The following HLCS variants were observed in gnomAD, a reference collection of about 807,000 sequenced individuals.
The protein encoded by HLCS is holocarboxylase synthetase, also known as biotin--protein ligase.
In HLCS, 53 loss-of-function variants were observed where a neutral mutation model predicts 75.0. The ratio of observed to expected loss-of-function variants is 0.71; its 90% confidence interval spans 0.57 to 0.89. The LOEUF is 0.89. HLCS is among the 40% of genes least tolerant of loss of function. The pLI is 0.00. For missense variants in HLCS, 966 were observed against 1,074.0 expected, an observed-to-expected ratio of 0.90 and a Z score of 1.41; for synonymous variants, 431 against 428.6, an observed-to-expected ratio of 1.01 and a Z score of -0.07.
At position 36,936,772 on chromosome 21, in the gene HLCS, T is replaced by C. The variant is rs147107058; in HGVS notation, c.1114A>G (p.Ile372Val). 7 of 1,614,120 alleles carry C rather than the reference T, an allele frequency of 4.3e-6. No homozygotes were observed. Among genetic ancestry groups the C allele is most frequent in the East Asian group, 2.2e-5 (1 of 44,888 alleles). The change falls in exon 4 of 11, where the codon ATT becomes GTT. Residue 372 changes from isoleucine to valine, a missense_variant. Physicochemically the swap from Ile to Val is conservative, Grantham distance 29 (BLOSUM62 3). Transcript: ENST00000674895. The part of the protein sequence containing the change: ...LLLVIATRES[I>V]PEDLYQKFMA... The stretch of plus-strand genomic sequence containing the variant: ...AACTTCTGGTACAGGTCTTCGGGAA[T>C]GGACTCCCTGGTAGCAATGACCAAC...
At chr21:36,959,729 C>T (rs1002445353) in intron 2 of HLCS, among the ~76,000 whole-genome samples, 5 of 152,214 alleles carry the variant, frequency 3.3e-5, no homozygotes, top group Admixed American at 2.6e-4. Context: ...AAAGGAGCTA[C>T]CCACTTCAGG....
chr21:36,906,041 C>A (rs572937499), intron 5 of HLCS, among the ~76,000 whole-genome samples: 2 of 134,402 alleles, frequency 1.5e-5, no homozygotes, highest in Non-Finnish European at 3.1e-5. Context: ...CAGAGTGAGA[C>A]TCCATCTCAA....
chr21:36,916,129 A>G (rs2146423658), intron 5 of HLCS, among the ~76,000 whole-genome samples: 1 of 152,236 alleles, frequency 6.6e-6, no homozygotes, highest in Non-Finnish European at 1.5e-5. Context: ...AATAGCACTT[A>G]TACAAACCAC....
chr21:36,854,069 CT>C (rs901664900), intron 6 of HLCS, among the ~76,000 whole-genome samples: 1 of 152,022 alleles, frequency 6.6e-6, no homozygotes, highest in Non-Finnish European at 1.5e-5. Context: ...TCTCATATAA[CT>C]TTTAATGGAT....
chr21:36,897,187 G>C, intron 5 of HLCS, 56 bp from the exon 6 acceptor site: 1 of 1,590,116 alleles, frequency 6.3e-7, no homozygotes, highest in Non-Finnish European at 8.6e-7. Context: ...ATTAGATCAT[G>C]GTAGCTTTTC....
intron 5 of HLCS, among the ~76,000 whole-genome samples, chr21:36,900,458 A>T (rs188570732): frequency 6.6e-6 from 1 of 152,296 alleles, no homozygotes; most frequent in East Asian, 1.9e-4. Flanking sequence ...CCGGGGCCAG[A>T]AAGGCAGAGG....
At chr21:36,813,331 C>T (rs1296663478) in intron 6 of HLCS, among the ~76,000 whole-genome samples, 1 of 152,156 alleles carries the variant, frequency 6.6e-6, no homozygotes, top group Non-Finnish European at 1.5e-5. Context: ...CTCACTCATG[C>T]CTGAACTCCA....
chr21:36,841,316 T>G (rs1033089560), intron 6 of HLCS, among the ~76,000 whole-genome samples: 1 of 152,230 alleles, frequency 6.6e-6, no homozygotes, highest in African/African-American at 2.4e-5. Context: ...ACTGTCCGAA[T>G]AGTAGAGACA....
At chr21:36,977,711 C>A (rs1433927183) in intron 1 of HLCS, among the ~76,000 whole-genome samples, 1 of 152,206 alleles carries the variant, frequency 6.6e-6, no homozygotes, top group African/African-American at 2.4e-5. Flanking sequence ...CTCTGACCCC[C>A]CAACTCCCCA....
chr21:36,775,218 C>T (rs1315571131), intron 6 of HLCS, among the ~76,000 whole-genome samples: 1 of 152,226 alleles, frequency 6.6e-6, no homozygotes, highest in African/African-American at 2.4e-5. Flanking sequence ...TCCCCACGTC[C>T]AGCATAAGAG....
intron 6 of HLCS, among the ~76,000 whole-genome samples, chr21:36,876,167 T>A (rs953775257): frequency 3.3e-5 from 5 of 152,180 alleles, no homozygotes; most frequent in Non-Finnish European, 5.9e-5. Context: ...GGCTCACCCG[T>A]GGCAGGCATG....
chr21:36,804,377 T>G (rs2061302865), intron 6 of HLCS: 1 of 152,238 alleles, frequency 6.6e-6, no homozygotes, highest in Non-Finnish European at 1.5e-5. Context: ...GCTAAGTAAC[T>G]CGAATTACTC....
chr21:36,968,112 G>A (rs555653680), upstream of HLCS, among the ~76,000 whole-genome samples: 1 of 152,122 alleles, frequency 6.6e-6, no homozygotes, highest in African/African-American at 2.4e-5. Flanking sequence ...TTCGAACTCT[G>A]AGCTGAAGTG....
intron 6 of HLCS, among the ~76,000 whole-genome samples, chr21:36,844,817 G>T (rs1043419885): frequency 6.6e-6 from 1 of 152,068 alleles, no homozygotes; most frequent in Admixed American, 6.5e-5. Context: ...CGATCGATTG[G>T]GTCCATAAGG....
chr21:36,989,897 G>A (rs1338760804), intron 1 of HLCS, among the ~76,000 whole-genome samples: 1 of 151,996 alleles, frequency 6.6e-6, no homozygotes, highest in African/African-American at 2.4e-5. Context: ...CCCGGGTCCC[G>A]CAGGGAAGAA....
intron 6 of HLCS, among the ~76,000 whole-genome samples, chr21:36,860,534 T>C (rs887125668): frequency 1.3e-5 from 2 of 152,260 alleles, no homozygotes; most frequent in African/African-American, 4.8e-5. Flanking sequence ...TTACTTTTAA[T>C]TGAAATGCAC....
At chr21:36,960,063 A>G (rs2068198741) in intron 2 of HLCS, among the ~76,000 whole-genome samples, 1 of 151,208 alleles carries the variant, frequency 6.6e-6, no homozygotes, top group Non-Finnish European at 1.5e-5. Context: ...TTGTCCAGAC[A>G]CAGGTGCCCA....
In HLCS at chr21:36,867,861, G is replaced by A. The variant is rs151181071; in HGVS notation, c.1892+28999C>T. ...AACATACAGTAAGATGACCAGGTGC[G>A]GTGGCTCACGCCTGTAATCCCAATA... On this transcript the variant is annotated intron_variant, in intron 6 of 10. Transcript: ENST00000674895. Among the ~76,000 whole-genome samples the A allele has an allele frequency of 1.2e-4, 19 of 152,252 alleles. No individual in the cohort carries two copies. In the East Asian group the frequency reaches 3.1e-3, roughly 25 times the overall value.
At chr21:36,919,326 T>C (rs1214162207) in intron 5 of HLCS, among the ~76,000 whole-genome samples, 1 of 152,254 alleles carries the variant, frequency 6.6e-6, no homozygotes, top group Non-Finnish European at 1.5e-5. Context: ...TTTTCTTAAA[T>C]ATAAGAGAAG....
Sources: allele counts gnomAD v4.1 joint callset (sites outside exome capture counted in the v4.1 genomes callset), GRCh38; gene constraint gnomAD v4.1.1; transcripts MANE v1.5; gene names NCBI Gene and HGNC (gene_info 2026-07-23, HGNC 2026-07-21).